Variants in SSBP3 observed in about 807,000 individuals in gnomAD.
The protein encoded by SSBP3 is single-stranded DNA-binding protein 3.
Under a neutral mutation model 69.6 loss-of-function variants are expected in SSBP3, and 5 were observed. That is an observed-to-expected ratio of 0.07 (90% CI 0.04 to 0.15). The LOEUF is 0.15. Among genes scored for constraint, SSBP3 ranks in the 10% least tolerant of loss-of-function variants. SSBP3 has a pLI of 1.00. For synonymous variants in SSBP3, 196 were observed against 193.4 expected, an observed-to-expected ratio of 1.01 and a Z score of -0.11; for missense variants, 312 against 534.0, an observed-to-expected ratio of 0.58 and a Z score of 4.10.
chr1:54,335,637 CA>C (rs1646495198), intron 4 of SSBP3, among the ~76,000 whole-genome samples: 1 of 152,184 alleles, frequency 6.6e-6, no homozygotes, highest in African/African-American at 2.4e-5. Context: ...TGCCCAAACA[CA>C]TCGATTCAAG....
chr1:54,324,899 T>C (rs1382075004), intron 4 of SSBP3, among the ~76,000 whole-genome samples: 1 of 152,120 alleles, frequency 6.6e-6, no homozygotes, highest in Non-Finnish European at 1.5e-5. Flanking sequence ...TTGCCAAACT[T>C]CCCGGCTAGC....
chr1:54,411,047 C>G (rs571201372), upstream of SSBP3, among the ~76,000 whole-genome samples: 86 of 152,368 alleles, frequency 5.6e-4, no homozygotes, highest in African/African-American at 2.0e-3. Context: ...ACATACTTCT[C>G]CTGAGCCAAT....
chr1:54,383,875 G>C (rs1647871210), intron 4 of SSBP3, among the ~76,000 whole-genome samples: 1 of 152,146 alleles, frequency 6.6e-6, no homozygotes, highest in South Asian at 2.1e-4. Context: ...GGGAGGCCGA[G>C]GCGGGCGGAT....
chr1:54,269,157 C>T (rs768689220), intron 5 of SSBP3, among the ~76,000 whole-genome samples: 4 of 152,182 alleles, frequency 2.6e-5, no homozygotes, highest in Non-Finnish European at 4.4e-5. Flanking sequence ...TATTAGCCCA[C>T]GGAGCTACCC....
intron 14 of SSBP3, among the ~76,000 whole-genome samples, chr1:54,233,421 C>T (rs1293476203): frequency 2.0e-5 from 3 of 151,436 alleles, no homozygotes; most frequent in East Asian, 2.0e-4. Flanking sequence ...CCTCTCCGCC[C>T]GGCAGCCACC....
rs1330922033 is a variant in SSBP3, at chr1:54,258,070, T to A, written c.446A>T (p.Gln149Leu). ...GCGGGAGCGCCACGGTGCGTTTACC[T>A]GACTGTGGGGTCCCATCATGCTGCT... Residue 149 changes from glutamine (Q) to leucine (L), a missense_variant and splice_region_variant, in exon 6 of 18, where the codon CAG becomes CTG. Gln to Leu is a moderately radical substitution (Grantham distance 113, BLOSUM62 -2). This residue lies in a region of SSBP3 where 134 missense variants were observed against 212.1 expected (regional missense o/e 0.63). Coordinates refer to ENST00000610401, the Ensembl canonical transcript of SSBP3. This position sits in a 1 kb window ranked among gnomAD's most constrained non-coding sequence, Gnocchi z 4.5. 1.3e-6 allele frequency: 2 copies of A among 1,589,578 alleles called. No individual in the cohort carries two copies. Among genetic ancestry groups the A allele is most frequent in the African/African-American group, 2.7e-5 (2 of 74,368 alleles).
chr1:54,239,992 C>CT (rs1159689294), intron 13 of SSBP3, among the ~76,000 whole-genome samples: 2 of 151,420 alleles, frequency 1.3e-5, no homozygotes, highest in Non-Finnish European at 2.9e-5. Context: ...TGTTGAATTC[C>CT]TTCTAGCTGG....
At chr1:54,394,427 C>T (rs1240577333) in intron 4 of SSBP3, among the ~76,000 whole-genome samples, 3 of 150,204 alleles carry the variant, frequency 2.0e-5, no homozygotes, top group African/African-American at 7.4e-5. Context: ...CTTAGAAAAA[C>T]AAGATCATTC....
chr1:54,356,155 A>G (rs1001632055), intron 4 of SSBP3, among the ~76,000 whole-genome samples: 4 of 152,148 alleles, frequency 2.6e-5, no homozygotes, highest in African/African-American at 9.7e-5. Flanking sequence ...GAACTTCCCC[A>G]TAATTTTTAA....
At chr1:54,275,769 G>A (rs1482009733) in intron 5 of SSBP3, among the ~76,000 whole-genome samples, 10 of 152,146 alleles carry the variant, frequency 6.6e-5, no homozygotes, top group Admixed American at 6.5e-4. Flanking sequence ...TGGAATGTGG[G>A]GCTGAGAGCT....
At chr1:54,343,704 C>T (rs1221038474) in intron 4 of SSBP3, among the ~76,000 whole-genome samples, 2 of 152,198 alleles carry the variant, frequency 1.3e-5, no homozygotes, top group Non-Finnish European at 2.9e-5. Context: ...ATAAAGGTTA[C>T]AAACCATGGC....
chr1:54,283,737 T>A (rs773961407), intron 4 of SSBP3, among the ~76,000 whole-genome samples: 6 of 152,224 alleles, frequency 3.9e-5, no homozygotes, highest in Non-Finnish European at 7.3e-5. Flanking sequence ...TCCTGTAATG[T>A]GTACAAGTTT....
intron 14 of SSBP3, chr1:54,238,074 G>A: frequency 2.2e-6 from 1 of 452,880 alleles, no homozygotes; most frequent in Non-Finnish European, 4.7e-6. Flanking sequence ...AGGATGTGGG[G>A]CTTTTTAGTG....
chr1:54,348,618 T>A (rs1646729867), intron 4 of SSBP3, among the ~76,000 whole-genome samples: 1 of 152,206 alleles, frequency 6.6e-6, no homozygotes, highest in Non-Finnish European at 1.5e-5. Flanking sequence ...GCCAAGTCAA[T>A]ACTGGAAGGC....
At chr1:54,265,293 G>T (rs1370376193) in intron 5 of SSBP3, among the ~76,000 whole-genome samples, 1 of 152,176 alleles carries the variant, frequency 6.6e-6, no homozygotes, top group Non-Finnish European at 1.5e-5. Context: ...CTTGGAGAGG[G>T]GTTGTGTGAA....
chr1:54,262,810 G>C (rs1441204575), intron 5 of SSBP3, among the ~76,000 whole-genome samples: 2 of 152,154 alleles, frequency 1.3e-5, no homozygotes, highest in Non-Finnish European at 2.9e-5. Flanking sequence ...CAGGGTGATG[G>C]CAGCAGGACC....
chr1:54,314,919 G>A (rs1646068987), intron 4 of SSBP3, among the ~76,000 whole-genome samples: 1 of 152,188 alleles, frequency 6.6e-6, no homozygotes, highest in South Asian at 2.1e-4. Context: ...AAGCAGGAAA[G>A]GGGGAAGGGA....
At chr1:54,254,736 T>A (rs78026211) in intron 7 of SSBP3, among the ~76,000 whole-genome samples, 3,473 of 152,286 alleles carry the variant, frequency 0.023, 60 homozygotes, top group African/African-American at 0.052. Context: ...AGCCCCAGGG[T>A]CAATACCTGT....
intron 4 of SSBP3, among the ~76,000 whole-genome samples, chr1:54,288,134 C>G (rs908576897): frequency 2.6e-5 from 4 of 152,140 alleles, no homozygotes; most frequent in African/African-American, 4.8e-5. Context: ...TCGCTCCCAG[C>G]GGAGACATGG....
Sources: gnomAD v4.1 joint callset for allele counts (sites outside exome capture counted in the v4.1 genomes callset) on GRCh38, gnomAD v4.1.1 for gene constraint, gnomAD v4.1.1 regional missense constraint, Gnocchi (gnomAD v3.1) non-coding constraint, MANE v1.5 for transcripts, NCBI Gene and HGNC (gene_info 2026-07-23, HGNC 2026-07-21) for gene names.